The following CEP112 variants were observed in gnomAD, a reference collection of about 807,000 sequenced individuals.
The protein encoded by CEP112 is centrosomal protein of 112 kDa.
Under a neutral mutation model 153.0 loss-of-function variants are expected in CEP112, and 127 were observed. The ratio of observed to expected loss-of-function variants is 0.83; its 90% confidence interval spans 0.72 to 0.96. CEP112 has a LOEUF of 0.96. Ranked by LOEUF, CEP112 falls within the 40% of genes least tolerant of loss-of-function variation. The pLI, the probability that CEP112 is intolerant of heterozygous loss-of-function variation, is 0.00. For missense variants in CEP112, 1,089 were observed against 1,101.2 expected, an observed-to-expected ratio of 0.99 and a Z score of 0.16; for synonymous variants, 358 against 374.4, an observed-to-expected ratio of 0.96 and a Z score of 0.51.
chr17:66,123,601 A>G (rs1260627665), intron 6 of CEP112, among the ~76,000 whole-genome samples: 1 of 152,222 alleles, frequency 6.6e-6, no homozygotes, highest in Non-Finnish European at 1.5e-5. Flanking sequence ...TTTGCTAGGG[A>G]GCACATCTGT....
intron 16 of CEP112, among the ~76,000 whole-genome samples, chr17:66,019,486 G>T (rs766924487): frequency 1.2e-4 from 19 of 152,058 alleles, no homozygotes; most frequent in Non-Finnish European, 2.2e-4. Flanking sequence ...AATAAAGAAA[G>T]AAAAACAGAT....
chr17:66,100,612 A>G (rs2068531394), intron 6 of CEP112, among the ~76,000 whole-genome samples: 1 of 152,002 alleles, frequency 6.6e-6, no homozygotes, highest in African/African-American at 2.4e-5. Context: ...AAAAAATAAA[A>G]TAAATGCAAC....
chr17:66,112,659 G>A (rs2069111382), intron 6 of CEP112, among the ~76,000 whole-genome samples: 1 of 151,814 alleles, frequency 6.6e-6, no homozygotes, highest in Non-Finnish European at 1.5e-5. Flanking sequence ...ATAACACAGT[G>A]CCAGCCAGGC....
intron 24 of CEP112, among the ~76,000 whole-genome samples, chr17:65,660,460 CTCCTTCCTTCCTTCCTTCCTTCCTTCCT>C (rs143750694): frequency 0.017 from 1,294 of 78,310 alleles, 38 homozygotes; most frequent in African/African-American, 0.061. Context: ...TCTTCTCTCT[CTCCTTCCTTCCTTCCTTCCTTCCTTCCT>C]TCCTTCCTTC....
intron 13 of CEP112, among the ~76,000 whole-genome samples, chr17:66,029,605 G>A (rs2065375381): frequency 6.6e-6 from 1 of 152,056 alleles, no homozygotes; most frequent in Non-Finnish European, 1.5e-5. Flanking sequence ...TTGGGAGGAT[G>A]AGGAGGGAGA....
intron 18 of CEP112, among the ~76,000 whole-genome samples, chr17:65,939,270 T>G (rs1215974743): frequency 6.6e-6 from 1 of 152,148 alleles, no homozygotes; most frequent in Admixed American, 6.5e-5. Flanking sequence ...TCCTGTGTTC[T>G]CGGATCAGAA....
chr17:65,903,655 G>A (rs2059957234), intron 19 of CEP112, among the ~76,000 whole-genome samples: 1 of 151,978 alleles, frequency 6.6e-6, no homozygotes, highest in South Asian at 2.1e-4. Context: ...GCAGAGACAC[G>A]ACAAGAAAAG....
Position 65,823,922 on chromosome 17 carries a change from G to C in CEP112, c.2394+27882C>G, listed in dbSNP as rs139979188. ...ATGAATGGTGAGAAATGTGTATTTG[G>C]ATGACTAAAATAACATTATTAACTC... On this transcript the variant is annotated intron_variant, in intron 21 of 26. Coordinates refer to ENST00000535342, the MANE Select transcript of CEP112 (RefSeq NM_001199165.4). 4.6e-3 allele frequency among the ~76,000 whole-genome samples: 704 copies of C among 152,250 alleles called. 4 individuals carry two copies. The highest frequency in any genetic ancestry group is 4.9e-3 in the Non-Finnish European group (330 of 68,014).
At chr17:65,907,525 A>T (rs1457304415) in intron 19 of CEP112, among the ~76,000 whole-genome samples, 1 of 152,136 alleles carries the variant, frequency 6.6e-6, no homozygotes, top group African/African-American at 2.4e-5. Context: ...AAAATGCAAT[A>T]GCTCAGGCTT....
Position 65,823,696 on chromosome 17 carries a change from G to C in CEP112, c.2394+28108C>G, listed in dbSNP as rs545939672. ...ATTAAGAATCTCTGCTCTTTGATTTGGGAGAAAGTGTTTGCAAATCACATA... is the reference window on the plus strand; with the variant it reads ...ATTAAGAATCTCTGCTCTTTGATTTCGGAGAAAGTGTTTGCAAATCACATA... On this transcript the variant is annotated intron_variant, in intron 21 of 26. Coordinates refer to ENST00000535342, the MANE Select transcript of CEP112 (RefSeq NM_001199165.4). Among the ~76,000 whole-genome samples the C allele has an allele frequency of 9.9e-5, 15 of 152,152 alleles. No individual in the cohort carries two copies. The South Asian group carries it at 3.1e-3, about 32-fold the overall frequency.
chr17:65,901,765 T>C (rs2059858288), intron 20 of CEP112, among the ~76,000 whole-genome samples: 1 of 151,980 alleles, frequency 6.6e-6, no homozygotes, highest in Non-Finnish European at 1.5e-5. Context: ...CTTGATTACC[T>C]ACAGAGATTA....
chr17:65,858,913 G>A (rs1291215764), intron 20 of CEP112, among the ~76,000 whole-genome samples: 6 of 151,956 alleles, frequency 3.9e-5, no homozygotes, highest in South Asian at 2.1e-4. Flanking sequence ...CCACTCACCC[G>A]GACTGTCATC....
At chr17:65,929,603 A>T (rs2061050802) in intron 18 of CEP112, among the ~76,000 whole-genome samples, 2 of 151,690 alleles carry the variant, frequency 1.3e-5, no homozygotes, top group African/African-American at 4.8e-5. Context: ...TCACCTTCAG[A>T]TTCACTATAT....
At chr17:66,146,747 A>T (rs2070935513) in intron 4 of CEP112, among the ~76,000 whole-genome samples, 2 of 152,130 alleles carry the variant, frequency 1.3e-5, no homozygotes, top group Admixed American at 1.3e-4. Context: ...TAGAGACCTC[A>T]TATAAGTTAA....
At chr17:66,019,723 C>A (rs955606478) in intron 16 of CEP112, among the ~76,000 whole-genome samples, 2 of 152,048 alleles carry the variant, frequency 1.3e-5, no homozygotes, top group African/African-American at 4.8e-5. Flanking sequence ...CAATTGATAC[C>A]GCATGGAAAG....
At chr17:66,053,651 T>C (rs529894170) in intron 12 of CEP112, 85 bp downstream of exon 12, 1 of 1,345,012 alleles carries the variant, frequency 7.4e-7, no homozygotes, top group Admixed American at 2.1e-5. Flanking sequence ...CACTTCTTTC[T>C]ACACTGTGCA....
At chr17:65,851,639 C>A (rs2057935868) in intron 21 of CEP112, among the ~76,000 whole-genome samples, 165 bp downstream of exon 21, 1 of 152,144 alleles carries the variant, frequency 6.6e-6, no homozygotes, top group African/African-American at 2.4e-5. Context: ...TTTACTGGTA[C>A]TTAGACATAG....
intron 19 of CEP112, among the ~76,000 whole-genome samples, chr17:65,926,094 C>A (rs1487828991): frequency 6.6e-6 from 1 of 152,172 alleles, no homozygotes; most frequent in Non-Finnish European, 1.5e-5. Flanking sequence ...AAAATCTCAA[C>A]TCCTTACACA....
chr17:65,660,829 C>T (rs1033081596), intron 24 of CEP112, among the ~76,000 whole-genome samples: 11 of 152,158 alleles, frequency 7.2e-5, no homozygotes, highest in East Asian at 3.9e-4. Context: ...CCCACAGCGC[C>T]GCCTGGCCAT....
Sources: gnomAD v4.1 joint callset for allele counts (sites outside exome capture counted in the v4.1 genomes callset) on GRCh38, gnomAD v4.1.1 for gene constraint, MANE v1.5 for transcripts, NCBI Gene and HGNC (gene_info 2026-07-23, HGNC 2026-07-21) for gene names.